FBP1: variants seen among roughly 807,000 people sequenced by gnomAD.
FBP1 encodes the protein fructose-bisphosphatase 1, also known as fructose-1,6-bisphosphatase 1.
Under a neutral mutation model 29.9 loss-of-function variants are expected in FBP1, and 22 were observed. The observed-to-expected ratio is 0.74, with a 90% CI of 0.53 to 1.05. FBP1 has a LOEUF of 1.05. Ranked by LOEUF, FBP1 falls within the 50% of genes least tolerant of loss-of-function variation. The probability of loss-of-function intolerance (pLI) is 0.00; values close to 1 mark genes in which losing one functional copy is unlikely to be tolerated. For synonymous variants in FBP1, 175 were observed against 178.6 expected, an observed-to-expected ratio of 0.98 and a Z score of 0.16; for missense variants, 345 against 448.2, an observed-to-expected ratio of 0.77 and a Z score of 2.08.
In FBP1 at chr9:94,606,896, T is replaced by A; in HGVS notation, c.624A>T (p.Lys208Asn). The change falls in exon 5 of 7, where the codon AAA becomes AAT. Residue 208 changes from lysine to asparagine, a missense_variant. Lys to Asn is a moderately conservative substitution (Grantham distance 94, BLOSUM62 0). Transcript: ENST00000375326. ...DKDVKIKKKG[K>N]IYSLNEGYAR... ...CGTAGCCCTCGTTAAGGCTGTAGAT[T>A]TTACCTTTCTTTTTTATCTTCACAT... 1 of 1,614,062 alleles carries A rather than the reference T, an allele frequency of 6.2e-7. No individual in the cohort carries two copies. The highest frequency in any genetic ancestry group is 8.5e-7 in the Non-Finnish European group (1 of 1,179,946).
chr9:94,639,548 C>T (rs974736435), upstream of FBP1: 678 of 598,670 alleles, frequency 1.1e-3, 3 homozygotes, highest in Middle Eastern at 1.8e-3. Flanking sequence ...ATCGCGGAAA[C>T]CTTTAGACGC....
At chr9:94,612,463 G>T (rs935025695) in intron 3 of FBP1, among the ~76,000 whole-genome samples, 2 of 151,282 alleles carry the variant, frequency 1.3e-5, no homozygotes, top group Non-Finnish European at 2.9e-5. Flanking sequence ...AGTAATACTT[G>T]TCTATGACCC....
chr9:94,603,318 A>C lies in FBP1; in HGVS notation c.*63T>G, dbSNP rs1827637919. On this transcript the variant is annotated 3_prime_UTR_variant, in exon 7 of 7. Transcript: ENST00000375326. ...TGTAAGGTGCACAGCAGGTCAGGGT[A>C]CTGCTGTGTGAGACAAAAGGTCCAG... 7.9e-7 allele frequency: 1 copy of C among 1,268,534 alleles called. No homozygotes were observed. The highest frequency in any genetic ancestry group is 1.5e-5 in the African/African-American group (1 of 67,918). The allele number at this position is 1,268,534 out of a possible 1,614,324, so 78.6% of individuals were successfully genotyped here.
rs980826259 is a variant in FBP1, at chr9:94,603,536, C to T, written c.862G>A (p.Val288Ile). Residue 288 changes from valine to isoleucine, a missense_variant, in exon 7 of 7, where the codon GTC becomes ATC. Coordinates refer to ENST00000375326, the MANE Select transcript of FBP1 (RefSeq NM_000507.4). ...GCCATTCCCCCAGCCTTCTCCATGA[C>T]GTAGGCCATGGGGTTGCATTCGTAC... ...LLYECNPMAY[V>I]MEKAGGMATT... 1.7e-5 allele frequency: 28 copies of T among 1,614,060 alleles called. No homozygotes were observed. Among genetic ancestry groups the T allele is most frequent in the East Asian group, 2.2e-5 (1 of 44,902 alleles).
At chr9:94,607,040 G>C in intron 4 of FBP1, 88 bp from the exon 5 acceptor site, 1 of 1,574,228 alleles carries the variant, frequency 6.4e-7, no homozygotes, top group Non-Finnish European at 8.7e-7. Context: ...GCTGGGCTAC[G>C]CTGGGCTGGG....
intron 1 of FBP1, among the ~76,000 whole-genome samples, chr9:94,624,428 G>A: frequency 6.6e-6 from 1 of 151,954 alleles, no homozygotes; most frequent in South Asian, 2.1e-4. Flanking sequence ...CAAGGCGGGT[G>A]GATCCCCTGA....
chr9:94,622,293 C>A (rs1011226119), intron 1 of FBP1, among the ~76,000 whole-genome samples: 3 of 152,202 alleles, frequency 2.0e-5, no homozygotes, highest in African/African-American at 7.2e-5. Flanking sequence ...CAGAGCAAGG[C>A]GAGAGCCTTG....
chr9:94,609,202 A>AG (rs1278871207), intron 4 of FBP1, among the ~76,000 whole-genome samples: 4 of 135,374 alleles, frequency 3.0e-5, no homozygotes, highest in Admixed American at 2.1e-4. Flanking sequence ...AAAAAAAAAA[A>AG]AAAAGAAAGA....
chr9:94,606,301 G>A (rs1161174952), intron 5 of FBP1, among the ~76,000 whole-genome samples: 1 of 152,052 alleles, frequency 6.6e-6, no homozygotes, highest in Non-Finnish European at 1.5e-5. Context: ...TGTCACGATG[G>A]GCACTCTCGG....
intron 1 of FBP1, among the ~76,000 whole-genome samples, chr9:94,638,380 G>A (rs28382865): frequency 6.6e-6 from 1 of 152,308 alleles, no homozygotes; most frequent in East Asian, 1.9e-4. Flanking sequence ...AGTGACGTTC[G>A]AGATGCACTC....
At chr9:94,619,528 G>T (rs1426280709) in intron 2 of FBP1, among the ~76,000 whole-genome samples, 4 of 152,066 alleles carry the variant, frequency 2.6e-5, no homozygotes, top group Non-Finnish European at 4.4e-5. Flanking sequence ...GCCAGGCATT[G>T]CACTAGACAC....
In FBP1 at chr9:94,603,484, T is replaced by A. The variant is rs760333306; in HGVS notation, c.914A>T (p.Asp305Val). The change falls in exon 7 of 7, where the codon GAC (aspartate) becomes GTC (valine). Residue 305 changes from aspartate (D) to valine (V), a missense_variant. By Grantham distance (152) the Asp-to-Val change is radical (BLOSUM62 -3). Transcript: ENST00000375326. ...CTGGTGAATGTCTGTGGGAATGACG[T>A]CTAACACGGCCTCCTTCCCAGTGGT... ...MATTGKEAVLDVIPTDIHQRA... is the reference protein window; with the variant it reads ...MATTGKEAVLVVIPTDIHQRA... 1 of 1,613,912 alleles carries A rather than the reference T, an allele frequency of 6.2e-7. No individual in the cohort carries two copies. The highest frequency in any genetic ancestry group is 8.5e-7 in the Non-Finnish European group (1 of 1,179,946).
intron 6 of FBP1, chr9:94,604,101 T>C (rs1587851993): frequency 5.5e-6 from 1 of 183,456 alleles, no homozygotes; most frequent in East Asian, 1.3e-4. Flanking sequence ...CAGTGTATTA[T>C]ACGTCTTGGC....
Position 94,624,181 on chromosome 9 carries a change from A to G in FBP1, c.171-3690T>C, listed in dbSNP as rs553864053. On this transcript the variant is annotated intron_variant, in intron 1 of 6. Coordinates refer to ENST00000375326, the MANE Select transcript of FBP1 (RefSeq NM_000507.4). ...GTGAAGCCCTCTCTCTACTAAAAAC[A>G]CAAAAAATTAGCCGGGCATGGTGGC... 2.6e-5 allele frequency among the ~76,000 whole-genome samples: 4 copies of G among 151,116 alleles called. No individual in the cohort carries two copies. In the South Asian group the frequency reaches 8.3e-4, roughly 31 times the overall value.
At chr9:94,620,787 G>C (rs1020865457) in intron 1 of FBP1, among the ~76,000 whole-genome samples, 1 of 152,188 alleles carries the variant, frequency 6.6e-6, no homozygotes, top group East Asian at 1.9e-4. Context: ...AGGGGAGGGA[G>C]AGCATTAGGA....
chr9:94,639,227 C>G lies in FBP1; in HGVS notation c.84G>C (p.Thr28=), dbSNP rs774456590. 1.4e-5 allele frequency: 22 copies of G among 1,600,928 alleles called. No individual in the cohort carries two copies. In the Admixed American group the frequency reaches 3.8e-4, roughly 28 times the overall value. ...AGTTGAGCAGCTGGGTCAACTCGCC[C>G]GTGCCGCGGGCCTTCCTGCCCTCCT... The part of the protein sequence containing the change: ...VMEEGRKARG[T]GELTQLLNSL... Residue 28 remains threonine (T), a synonymous_variant, in exon 1 of 7, where the codon ACG becomes ACC. Transcript: ENST00000375326.
chr9:94,617,747 G>T, intron 3 of FBP1, 21 bp downstream of exon 3: 2 of 1,513,642 alleles, frequency 1.3e-6, no homozygotes, highest in African/African-American at 1.4e-5. Context: ...CAAACCAAGT[G>T]CTTAAGATAT....
At chr9:94,605,087 C>T (rs938425407) in intron 6 of FBP1, among the ~76,000 whole-genome samples, 1 of 152,182 alleles carries the variant, frequency 6.6e-6, no homozygotes, top group African/African-American at 2.4e-5. Flanking sequence ...AAGAAGACTT[C>T]TACTGAGGAT....
Position 94,639,421 on chromosome 9 carries a change from G to GTGCGGGCGGCAGGTGCGGAGCTGCAGT in FBP1, c.-112_-111insACTGCAGCTCCGCACCTGCCGCCCGCA. On this transcript the variant is annotated 5_prime_UTR_variant, in exon 1 of 7. Transcript: ENST00000375326. ...ACTGGCCGCAGGTGCGGAGCTGCAGGTGCGGGCGGCAGGTGCGGGCCGCGG... is the reference window on the plus strand; with the variant it reads ...ACTGGCCGCAGGTGCGGAGCTGCAGGTGCGGGCGGCAGGTGCGGAGCTGCAGTTGCGGGCGGCAGGTGCGGGCCGCGG... The GTGCGGGCGGCAGGTGCGGAGCTGCAGT allele has an allele frequency of 7.6e-7, 1 of 1,307,282 alleles. No individual in the cohort carries two copies. The highest frequency in any genetic ancestry group is 1.1e-6 in the Non-Finnish European group (1 of 930,944). The allele number at this position is 1,307,282 out of a possible 1,614,324, so 81.0% of individuals were successfully genotyped here.
Sources: gnomAD v4.1 joint callset for allele counts (sites outside exome capture counted in the v4.1 genomes callset) on GRCh38, gnomAD v4.1.1 for gene constraint, MANE v1.5 for transcripts, NCBI Gene and HGNC (gene_info 2026-07-23, HGNC 2026-07-21) for gene names.